SPAST: variants seen among roughly 807,000 people sequenced by gnomAD.
SPAST encodes spastic paraplegia 4 (autosomal dominant; spastin).
SPAST carries 30 observed loss-of-function variants against 76.6 expected under a neutral mutation model. That is an observed-to-expected ratio of 0.39 (90% CI 0.29 to 0.53). SPAST has a LOEUF of 0.53. Ranked by LOEUF, SPAST falls within the 20% of genes least tolerant of loss-of-function variation. The probability of loss-of-function intolerance (pLI) is 0.68; values close to 1 mark genes in which losing one functional copy is unlikely to be tolerated. For synonymous variants in SPAST, 305 were observed against 281.0 expected (o/e 1.09, Z -0.86); for missense variants, 717 against 770.5 (o/e 0.93, Z 0.82).
chr2:32,156,069 G>T lies in SPAST; in HGVS notation c.*1573G>T, dbSNP rs1372058531. On this transcript the variant is annotated 3_prime_UTR_variant, in exon 17 of 17. Coordinates refer to ENST00000315285, the MANE Select transcript of SPAST (RefSeq NM_014946.4). The stretch of plus-strand genomic sequence containing the variant: ...TTTTTTTTTTTTGAGACAGAGTTTC[G>T]CTCTTGTTGCCCAGGCTGGAGTGCA... The T allele has an allele frequency of 7.5e-5, 11 of 146,862 alleles. No homozygotes were observed. Among genetic ancestry groups the T allele is most frequent in the African/African-American group, 2.3e-4 (9 of 39,676 alleles). 9.1% of individuals were successfully genotyped at this position (146,862 alleles called of 1,614,324 possible).
intron 7 of SPAST, among the ~76,000 whole-genome samples, chr2:32,120,257 C>A (rs1678973995): frequency 6.6e-6 from 1 of 152,044 alleles, no homozygotes; most frequent in Non-Finnish European, 1.5e-5. Flanking sequence ...ATTTTTGTTA[C>A]CTTTTCGAAT....
chr2:32,069,317 C>T (rs763630779), intron 1 of SPAST, among the ~76,000 whole-genome samples: 2 of 151,674 alleles, frequency 1.3e-5, no homozygotes, highest in Non-Finnish European at 2.9e-5. Flanking sequence ...TAGTCTTAAT[C>T]CAGTGGTTGA....
chr2:32,114,613 A>T (rs762209579), intron 4 of SPAST, 25 bp from the exon 5 acceptor site: 1 of 1,599,852 alleles, frequency 6.3e-7, no homozygotes, highest in East Asian at 2.2e-5. Flanking sequence ...TTCTAATCAC[A>T]ATGGTTTTAC....
rs1680289133 is a variant in SPAST, at chr2:32,157,450, A to C, written c.*2954A>C. On this transcript the variant is annotated 3_prime_UTR_variant, in exon 17 of 17. Transcript: ENST00000315285. ...ATTCTTTATATTTTGTACAAAAACT[A>C]ATTCTTTTGGTAAAATGAACCATTT... 1 of 152,616 alleles carries C rather than the reference A, an allele frequency of 6.6e-6. No individual in the cohort carries two copies. The highest frequency in any genetic ancestry group is 2.4e-5 in the African/African-American group (1 of 41,454). The allele number at this position is 152,616 out of a possible 1,614,324, so 9.5% of individuals were successfully genotyped here. A position where few individuals can be genotyped will look rare whatever the true frequency, so the allele number is the denominator to read the frequency against.
intron 14 of SPAST, among the ~76,000 whole-genome samples, chr2:32,144,614 G>T (rs769626219): frequency 6.1e-4 from 93 of 152,228 alleles, no homozygotes; most frequent in Non-Finnish European, 7.4e-4. Flanking sequence ...AGCTGGGTGC[G>T]GTGGCTCATG....
intron 7 of SPAST, among the ~76,000 whole-genome samples, chr2:32,118,196 T>C (rs1678906725): frequency 2.0e-5 from 3 of 152,210 alleles, no homozygotes; most frequent in African/African-American, 4.8e-5. Flanking sequence ...ATTAAATAAA[T>C]GTGCAAAGGT....
chr2:32,110,659 G>T (rs1678538285), intron 4 of SPAST, among the ~76,000 whole-genome samples: 2 of 133,180 alleles, frequency 1.5e-5, no homozygotes, highest in Non-Finnish European at 3.1e-5. Context: ...ATATAGTATA[G>T]TATATATAGT....
intron 7 of SPAST, among the ~76,000 whole-genome samples, chr2:32,119,950 A>G (rs754653302): frequency 1.3e-5 from 2 of 151,024 alleles, no homozygotes; most frequent in African/African-American, 2.4e-5. Flanking sequence ...TTTGAGATTT[A>G]TAGAAGAATG....
intron 1 of SPAST, among the ~76,000 whole-genome samples, chr2:32,075,896 C>T (rs12993135): frequency 0.44 from 36,578 of 82,332 alleles, 8,169 homozygotes; most frequent in East Asian, 0.67. Context: ...TCAAAATGCT[C>T]TTTTTTTTTT....
Position 32,143,399 on chromosome 2 carries a change from C to A in SPAST, c.1600C>A (p.Leu534Ile). The A allele has an allele frequency of 6.2e-7, 1 of 1,605,676 alleles. No individual in the cohort carries two copies. Among genetic ancestry groups the A allele is most frequent in the African/African-American group, 1.3e-5 (1 of 74,904 alleles). The change falls in exon 14 of 17, where the codon CTA becomes ATA. Residue 534 changes from leucine to isoleucine, a missense_variant. Leu to Ile is a conservative substitution (Grantham distance 5, BLOSUM62 2). Around this residue, in one of 3 missense-constraint regions of SPAST, gnomAD observed 96 missense variants for 127.6 expected, o/e 0.75. Coordinates refer to ENST00000315285, the MANE Select transcript of SPAST (RefSeq NM_014946.4). ...AGGAAGTCCATTGACCCAAAAAGAA[C>A]TAGCACAACTTGCTAGGTGAGTAAT... ...KQGSPLTQKE[L>I]AQLARMTDGY...
chr2:32,109,099 T>G (rs1678434012), intron 4 of SPAST, among the ~76,000 whole-genome samples: 1 of 150,070 alleles, frequency 6.7e-6, no homozygotes, highest in South Asian at 2.1e-4. Context: ...CATTGCAGAT[T>G]ATACCTCAGT....
Position 32,156,666 on chromosome 2 carries a change from C to T in SPAST, c.*2170C>T, listed in dbSNP as rs1236768342. The stretch of plus-strand genomic sequence containing the variant: ...TCATTGTTTTCATTTAAAAGATTAA[C>T]GTTATTGATACTTGGATAACTGGCT... On this transcript the variant is annotated 3_prime_UTR_variant, in exon 17 of 17. Coordinates refer to ENST00000315285, the MANE Select transcript of SPAST (RefSeq NM_014946.4). The T allele has an allele frequency of 3.4e-5, 5 of 147,222 alleles. No individual in the cohort carries two copies. Among genetic ancestry groups the T allele is most frequent in the South Asian group, 4.4e-4 (2 of 4,592 alleles). The allele number at this position is 147,222 out of a possible 1,614,324, so 9.1% of individuals were successfully genotyped here.
At chr2:32,089,218 T>TTTTTTTTTTTTTG (rs375850129) in intron 2 of SPAST, among the ~76,000 whole-genome samples, 1 of 129,974 alleles carries the variant, frequency 7.7e-6, no homozygotes. Context: ...TTTTTTTTTT[T>TTTTTTTTTTTTTG]AAGTAGAGAC....
chr2:32,064,170 C>T lies in SPAST; in HGVS notation c.339C>T (p.Ala113=). 1.3e-6 allele frequency: 2 copies of T among 1,550,954 alleles called. No individual in the cohort carries two copies. Among genetic ancestry groups the T allele is most frequent in the African/African-American group, 2.7e-5 (2 of 73,164 alleles). Residue 113 remains alanine, a synonymous_variant, in exon 1 of 17, where the codon GCC becomes GCT. Coordinates refer to ENST00000315285, the MANE Select transcript of SPAST (RefSeq NM_014946.4). The part of the protein sequence containing the change: ...SAPAPVPGGE[A]ERVRVFHKQA... Reference sequence around the variant, plus strand: ...CGGCGCCGGTGCCGGGCGGCGAGGCCGAGCGCGTCCGAGTCTTCCACAAAC... The same window carrying T: ...CGGCGCCGGTGCCGGGCGGCGAGGCTGAGCGCGTCCGAGTCTTCCACAAAC...
intron 3 of SPAST, among the ~76,000 whole-genome samples, chr2:32,094,065 C>T (rs1677830982): frequency 6.6e-6 from 1 of 152,130 alleles, no homozygotes; most frequent in African/African-American, 2.4e-5. Context: ...CTATCTGGCA[C>T]CACATCTCTG....
chr2:32,114,548 A>G (rs541803680), intron 4 of SPAST, 90 bp from the exon 5 acceptor site: 1 of 973,546 alleles, frequency 1.0e-6, no homozygotes, highest in East Asian at 2.6e-5. Context: ...TTAAAAAAAT[A>G]TATTATTACC....
intron 1 of SPAST, among the ~76,000 whole-genome samples, chr2:32,075,425 CAAAAA>C (rs70938315): frequency 1.5e-5 from 1 of 65,606 alleles, no homozygotes; most frequent in Non-Finnish European, 2.7e-5. Flanking sequence ...GACTCTGTCT[CAAAAA>C]AAAAAAAAAA....
At chr2:32,080,187 C>G (rs1313481353) in intron 1 of SPAST, among the ~76,000 whole-genome samples, 1 of 152,156 alleles carries the variant, frequency 6.6e-6, no homozygotes, top group African/African-American at 2.4e-5. Flanking sequence ...TGATGCTCAG[C>G]ATTTTGTCAT....
chr2:32,081,732 C>T (rs1191667044), intron 1 of SPAST, among the ~76,000 whole-genome samples: 5 of 134,194 alleles, frequency 3.7e-5, no homozygotes, highest in Non-Finnish European at 6.1e-5. Flanking sequence ...TGCAGTAAGC[C>T]GAGATCATAC....
Sources: allele counts gnomAD v4.1 joint callset (sites outside exome capture counted in the v4.1 genomes callset), GRCh38; gene constraint gnomAD v4.1.1; regional missense constraint gnomAD v4.1.1; transcripts MANE v1.5; gene names NCBI Gene and HGNC (gene_info 2026-07-23, HGNC 2026-07-21).